STRN3: variants seen among roughly 807,000 people sequenced by gnomAD.
STRN3 encodes the protein striatin-3.
STRN3 carries 29 observed loss-of-function variants against 95.6 expected under a neutral mutation model. That is an observed-to-expected ratio of 0.30 (90% CI 0.23 to 0.41). The LOEUF is 0.41. STRN3 is among the 10% of genes least tolerant of loss of function. The probability of loss-of-function intolerance (pLI) is 1.00; values close to 1 mark genes in which losing one functional copy is unlikely to be tolerated. For synonymous variants in STRN3, 331 were observed against 357.6 expected, an observed-to-expected ratio of 0.93 and a Z score of 0.84; for missense variants, 890 against 972.1, an observed-to-expected ratio of 0.92 and a Z score of 1.12.
chr14:30,914,744 C>T (rs1478645358), intron 9 of STRN3, among the ~76,000 whole-genome samples: 1 of 152,204 alleles, frequency 6.6e-6, no homozygotes, highest in Admixed American at 6.5e-5. Flanking sequence ...GTAATCTTGA[C>T]CACAGAGCTT....
chr14:30,938,637 C>T (rs902349838), intron 5 of STRN3, among the ~76,000 whole-genome samples: 2 of 151,744 alleles, frequency 1.3e-5, no homozygotes, highest in Non-Finnish European at 2.9e-5. Flanking sequence ...TCAGATTTCA[C>T]CAAAATTAAC....
intron 15 of STRN3, among the ~76,000 whole-genome samples, chr14:30,904,430 C>T (rs1351394896): frequency 6.6e-6 from 1 of 152,168 alleles, no homozygotes. Context: ...AAAAACACCA[C>T]CCAAGACAAA....
At chr14:31,005,802 G>C (rs1017820261) in intron 1 of STRN3, among the ~76,000 whole-genome samples, 1 of 152,174 alleles carries the variant, frequency 6.6e-6, no homozygotes, top group African/African-American at 2.4e-5. Context: ...CTGGAGAGTT[G>C]GATAACCAAT....
chr14:30,981,576 TCA>T (rs34644271), intron 1 of STRN3, among the ~76,000 whole-genome samples: 20,701 of 145,218 alleles, frequency 0.14, 1,571 homozygotes, highest in Middle Eastern at 0.2. Context: ...AGCTTAGAAT[TCA>T]CACACACACA....
At chr14:30,992,707 T>C (rs915071825) in intron 1 of STRN3, among the ~76,000 whole-genome samples, 4 of 151,738 alleles carry the variant, frequency 2.6e-5, no homozygotes, top group African/African-American at 9.7e-5. Context: ...GCGTCTATAT[T>C]CCCCCATTAA....
chr14:30,961,142 T>C (rs1051634832), intron 1 of STRN3, among the ~76,000 whole-genome samples: 1 of 152,128 alleles, frequency 6.6e-6, no homozygotes, highest in Non-Finnish European at 1.5e-5. Flanking sequence ...TGGCAACCTA[T>C]CCCAGGCTTG....
chr14:30,972,213 A>G, intron 1 of STRN3, among the ~76,000 whole-genome samples: 1 of 152,132 alleles, frequency 6.6e-6, no homozygotes, highest in African/African-American at 2.4e-5. Flanking sequence ...CACCTGCTCC[A>G]ATCTACGTTC....
chr14:30,909,013 G>A (rs371911533), intron 13 of STRN3, among the ~76,000 whole-genome samples: 49 of 152,194 alleles, frequency 3.2e-4, no homozygotes, highest in African/African-American at 1.1e-3. Flanking sequence ...TTCTGTCCTC[G>A]TTTCAATAAA....
Position 30,931,038 on chromosome 14 carries a change from A to G in STRN3, c.989-1727T>C, listed in dbSNP as rs116636478. 5.8e-3 allele frequency among the ~76,000 whole-genome samples: 876 copies of G among 152,258 alleles called. 9 individuals are homozygous for G. The highest frequency in any genetic ancestry group is 0.02 in the African/African-American group (827 of 41,560). On this transcript the variant is annotated intron_variant, in intron 7 of 17. Coordinates refer to ENST00000357479, the MANE Select transcript of STRN3 (RefSeq NM_001083893.2). ...AAAAGACCTGTGTAGAGAGAATAAA[A>G]CTGTGAATAGCTCTAACTATAGTTG...
intron 8 of STRN3, among the ~76,000 whole-genome samples, chr14:30,919,445 A>G (rs929826512): frequency 1.1e-4 from 16 of 152,108 alleles, no homozygotes; most frequent in South Asian, 8.3e-4. Flanking sequence ...AGAAGGTATC[A>G]TTAAAACAAA....
intron 1 of STRN3, among the ~76,000 whole-genome samples, chr14:31,013,449 A>G (rs1883064412): frequency 6.6e-6 from 1 of 152,084 alleles, no homozygotes; most frequent in African/African-American, 2.4e-5. Flanking sequence ...GGATGAAAAC[A>G]TTTGCTTTCA....
chr14:30,972,299 C>T (rs1200332273), intron 1 of STRN3, among the ~76,000 whole-genome samples: 2 of 151,816 alleles, frequency 1.3e-5, no homozygotes, highest in East Asian at 1.9e-4. Flanking sequence ...AAGCACTCAC[C>T]CTGTCATTCT....
chr14:30,942,497 A>G (rs1879142229), intron 5 of STRN3, among the ~76,000 whole-genome samples: 1 of 152,238 alleles, frequency 6.6e-6, no homozygotes, highest in Non-Finnish European at 1.5e-5. Flanking sequence ...GTGTCAATGC[A>G]TTTTCTAGAG....
At chr14:30,956,075 C>T (rs1879887655) in intron 2 of STRN3, 64 bp downstream of exon 2, 4 of 1,408,810 alleles carry the variant, frequency 2.8e-6, no homozygotes, top group Non-Finnish European at 4.0e-6. Context: ...ATACAGAGTA[C>T]AATGGTATAC....
intron 1 of STRN3, among the ~76,000 whole-genome samples, chr14:30,966,694 G>A (rs1254634733): frequency 2.0e-5 from 3 of 152,146 alleles, no homozygotes; most frequent in Non-Finnish European, 4.4e-5. Context: ...GTGTGCGTGC[G>A]TGAATGATCA....
intron 1 of STRN3, among the ~76,000 whole-genome samples, chr14:30,986,409 C>T (rs1881695710): frequency 6.6e-6 from 1 of 152,238 alleles, no homozygotes; most frequent in Non-Finnish European, 1.5e-5. Flanking sequence ...GCTGAAATGC[C>T]TTCAAGAACT....
At chr14:31,022,926 T>A (rs1285309317) in intron 1 of STRN3, among the ~76,000 whole-genome samples, 1 of 152,164 alleles carries the variant, frequency 6.6e-6, no homozygotes, top group Non-Finnish European at 1.5e-5. Flanking sequence ...GATCCTTAAG[T>A]TAGTAGGAGA....
rs1313450931 is a variant in STRN3 at position 31,008,369 on chromosome 14, G to T, written c.282+17535C>A. The stretch of plus-strand genomic sequence containing the variant: ...ATAAAAATACAAAAACTAGCTGGGC[G>T]TGGGAGTACACGCCTGTAGTCCCAG... On this transcript the variant is annotated intron_variant, in intron 1 of 17. Coordinates refer to ENST00000357479, the MANE Select transcript of STRN3 (RefSeq NM_001083893.2). Among the ~76,000 whole-genome samples, 3 of 150,446 alleles carry T rather than the reference G, an allele frequency of 2.0e-5. No individual in the cohort carries two copies. In the East Asian group the frequency reaches 5.9e-4, roughly 30 times the overall value.
chr14:30,926,249 A>G (rs1404363630), intron 8 of STRN3, among the ~76,000 whole-genome samples: 1 of 152,092 alleles, frequency 6.6e-6, no homozygotes, highest in East Asian at 1.9e-4. Context: ...TAGTAGCCTC[A>G]AAGACAGTAA....
Sources: gnomAD v4.1 joint callset for allele counts (sites outside exome capture counted in the v4.1 genomes callset) on GRCh38, gnomAD v4.1.1 for gene constraint, MANE v1.5 for transcripts, NCBI Gene and HGNC (gene_info 2026-07-23, HGNC 2026-07-21) for gene names.